Variants in MMP15 observed in about 807,000 individuals in gnomAD.
MMP15 encodes the protein matrix metallopeptidase 15.
A neutral mutation model predicts 65.0 loss-of-function variants in MMP15; 36 were observed. The ratio of observed to expected loss-of-function variants is 0.55; its 90% CI spans 0.42 to 0.73. MMP15 has a LOEUF of 0.73. MMP15 is among the 30% of genes least tolerant of loss of function. The probability of loss-of-function intolerance (pLI) is 0.00; values close to 1 mark genes in which losing one functional copy is unlikely to be tolerated. For synonymous variants in MMP15, 428 were observed against 410.2 expected (o/e 1.04, Z -0.52); for missense variants, 870 against 987.8 (o/e 0.88, Z 1.60).
chr16:58,027,176 T>C (rs939445501), intron 1 of MMP15, among the ~76,000 whole-genome samples: 1 of 152,168 alleles, frequency 6.6e-6, no homozygotes, highest in Non-Finnish European at 1.5e-5. Context: ...CCCACAGCGC[T>C]TCCTCCCAAC....
chr16:58,043,453 G>GA (rs1308215961), intron 8 of MMP15, 59 bp from the exon 9 acceptor site: 11 of 1,601,130 alleles, frequency 6.9e-6, no homozygotes, highest in Non-Finnish European at 9.4e-6. Context: ...TGCCTGTGGG[G>GA]AACGGGTCCT....
intron 1 of MMP15, among the ~76,000 whole-genome samples, chr16:58,034,481 C>G (rs535272348): frequency 6.6e-6 from 1 of 152,102 alleles, no homozygotes; most frequent in African/African-American, 2.4e-5. Context: ...AGCTCACAGT[C>G]CTATGGGTGG....
chr16:58,044,354 G>A (rs944772015), intron 9 of MMP15, among the ~76,000 whole-genome samples: 17 of 152,166 alleles, frequency 1.1e-4, no homozygotes, highest in South Asian at 2.1e-4. Context: ...GGCTGCGGTC[G>A]GAGGATTACT....
Position 58,045,450 on chromosome 16 carries a change from C to G in MMP15, c.*4C>G, listed in dbSNP as rs1959546156. ...CTCGCTGCAGGAGTGGGTCTGACCA[C>G]CCAGCGCTCCTGCTAACGGTGCTCA... On this transcript the variant is annotated 3_prime_UTR_variant, in exon 10 of 10. Coordinates refer to ENST00000219271, the MANE Select transcript of MMP15 (RefSeq NM_002428.4). 6.6e-7 allele frequency: 1 copy of G among 1,512,270 alleles called. No individual in the cohort carries two copies. The highest frequency in any genetic ancestry group is 8.9e-7 in the Non-Finnish European group (1 of 1,128,864). The allele number at this position is 1,512,270 out of a possible 1,614,324, so 93.7% of individuals were successfully genotyped here.
At position 58,044,193 on chromosome 16, in the gene MMP15, C is replaced by T. The variant is rs1388457339; in HGVS notation, c.1570+566C>T. On this transcript the variant is annotated intron_variant, in intron 9 of 9. Coordinates refer to ENST00000219271, the MANE Select transcript of MMP15 (RefSeq NM_002428.4). The stretch of plus-strand genomic sequence containing the variant: ...AGGTGTAGTGGCTCACGCCTGTAAT[C>T]CCAGCTCTTGGAGAGGCCGATGCGA... Among the ~76,000 whole-genome samples, 3 of 152,158 alleles carry T rather than the reference C, an allele frequency of 2.0e-5. No homozygotes were observed. The East Asian group carries it at 5.8e-4, about 29-fold the overall frequency.
At chr16:58,039,840 C>T (rs1257772772) in intron 3 of MMP15, 35 bp from the exon 4 acceptor site, 1 of 1,562,376 alleles carries the variant, frequency 6.4e-7, no homozygotes, top group South Asian at 1.2e-5. Context: ...GCCCTTGGCC[C>T]TGCATCCGCT....
chr16:58,045,644 G>T lies in MMP15; in HGVS notation c.*198G>T. Reference sequence around the variant, plus strand: ...CTTGACCATTTGTTTCTGTTTCCCCGACTGGGGCAGGGTGTTTAGAATTTT... The same window carrying T: ...CTTGACCATTTGTTTCTGTTTCCCCTACTGGGGCAGGGTGTTTAGAATTTT... On this transcript the variant is annotated 3_prime_UTR_variant, in exon 10 of 10. Coordinates refer to ENST00000219271, the MANE Select transcript of MMP15 (RefSeq NM_002428.4). 1.7e-6 allele frequency: 1 copy of T among 573,960 alleles called. No homozygotes were observed. The highest frequency in any genetic ancestry group is 1.9e-5 in the African/African-American group (1 of 52,262). The allele number at this position is 573,960 out of a possible 1,614,324, so 35.6% of individuals were successfully genotyped here.
chr16:58,042,246 C>T lies in MMP15; in HGVS notation c.1180C>T (p.Arg394Ter). 1.2e-6 allele frequency: 2 copies of T among 1,613,866 alleles called. No individual in the cohort carries two copies. The highest frequency in any genetic ancestry group is 1.7e-6 in the Non-Finnish European group (2 of 1,179,888). Residue 394 changes from arginine (R) to a stop codon, truncating the protein, a stop_gained, in exon 7 of 10, where the codon CGA becomes TGA. Coordinates refer to ENST00000219271, the MANE Select transcript of MMP15 (RefSeq NM_002428.4). LOFTEE classifies it high-confidence loss of function. ...CCCTCCCCAGGGCCGCTGGTTCTGG[C>T]GAGTCCGGCACAACCGCGTCCTGGA... ...MFVFKGRWFW[R>*]VRHNRVLDNY...
At chr16:58,037,013 TAA>T (rs1959341458) in intron 1 of MMP15, among the ~76,000 whole-genome samples, 1 of 152,026 alleles carries the variant, frequency 6.6e-6, no homozygotes, top group African/African-American at 2.4e-5. Flanking sequence ...ACCTCTTAGA[TAA>T]GGTGGTATTG....
chr16:58,045,296 G>T lies in MMP15; in HGVS notation c.1860G>T (p.Val620=). ...GCGTGGTGGTGCAGATGGAGGAGGTGGCACGGACGGTGAACGTGGTGATGG... is the reference window on the plus strand; with the variant it reads ...GCGTGGTGGTGCAGATGGAGGAGGTTGCACGGACGGTGAACGTGGTGATGG... ...GSRVVVQMEE[V]ARTVNVVMVL... is the part of the protein sequence containing the mutation. Residue 620 remains valine (V), a synonymous_variant, in exon 10 of 10, where the codon GTG becomes GTT. Transcript: ENST00000219271. 3.1e-6 allele frequency: 5 copies of T among 1,610,660 alleles called. No individual in the cohort carries two copies. The highest frequency in any genetic ancestry group is 4.2e-6 in the Non-Finnish European group (5 of 1,179,408).
chr16:58,033,746 T>C (rs1959278705), intron 1 of MMP15, among the ~76,000 whole-genome samples: 2 of 152,054 alleles, frequency 1.3e-5, no homozygotes, highest in African/African-American at 4.8e-5. Context: ...CTACCAAAAA[T>C]AGAAAAATTA....
intron 1 of MMP15, among the ~76,000 whole-genome samples, chr16:58,026,756 C>T (rs1183986840): frequency 6.6e-6 from 1 of 152,218 alleles, no homozygotes. Context: ...CAGCCCTGTT[C>T]TGGGCACTGA....
Position 58,039,948 on chromosome 16 carries a change from G to A in MMP15, c.514G>A (p.Glu172Lys). The change falls in exon 4 of 10, where the codon GAG becomes AAG. Residue 172 changes from glutamate to lysine, a missense_variant. Transcript: ENST00000219271. ...GGTGCGCAGGGCCTTCCGCGTGTGG[G>A]AGCAGGCCACGCCCCTGGTCTTCCA... The part of the protein sequence containing the change: ...EAVRRAFRVW[E>K]QATPLVFQEV... 2 of 1,613,576 alleles carry A rather than the reference G, an allele frequency of 1.2e-6. No individual in the cohort carries two copies. The highest frequency in any genetic ancestry group is 1.7e-6 in the Non-Finnish European group (2 of 1,179,902).
At chr16:58,037,450 C>CA (rs765622602) in intron 1 of MMP15, 22 bp from the exon 2 acceptor site, 2 of 1,611,266 alleles carry the variant, frequency 1.2e-6, no homozygotes, top group African/African-American at 1.3e-5. Flanking sequence ...GACCTGCTGA[C>CA]AGAGTTGCGG....
chr16:58,045,136 C>T lies in MMP15; in HGVS notation c.1700C>T (p.Pro567Leu). 1.2e-6 allele frequency: 2 copies of T among 1,602,778 alleles called. No individual in the cohort carries two copies. Among genetic ancestry groups the T allele is most frequent in the African/African-American group, 1.3e-5 (1 of 74,862 alleles). The change falls in exon 10 of 10, where the codon CCC (proline) becomes CTC (leucine). Residue 567 changes from proline to leucine, a missense_variant. Coordinates refer to ENST00000219271, the MANE Select transcript of MMP15 (RefSeq NM_002428.4). Reference protein sequence around the residue: ...MGCQEHVEPGPRWPDVARPPF... With the variant: ...MGCQEHVEPGLRWPDVARPPF... ...TGCCAGGAGCACGTGGAGCCAGGCC[C>T]CCGATGGCCCGACGTGGCCCGGCCG...
At chr16:58,030,759 C>G (rs1963881710) in intron 1 of MMP15, among the ~76,000 whole-genome samples, 1 of 152,184 alleles carries the variant, frequency 6.6e-6, no homozygotes, top group African/African-American at 2.4e-5. Flanking sequence ...GGCCTACACC[C>G]TGTGTCCAGA....
At chr16:58,039,780 G>C in intron 3 of MMP15, 95 bp from the exon 4 acceptor site, 1 of 1,274,746 alleles carries the variant, frequency 7.8e-7, no homozygotes. Context: ...TGACGGGCTT[G>C]TTGGTGACCT....
rs1567431724 is a variant in MMP15, at chr16:58,042,324, A to T, written c.1258A>T (p.Ser420Cys). 8 of 1,614,232 alleles carry T rather than the reference A, an allele frequency of 5.0e-6. No homozygotes were observed. Among genetic ancestry groups the T allele is most frequent in the Non-Finnish European group, 5.9e-6 (7 of 1,180,034 alleles). The change falls in exon 7 of 10, where the codon AGT (serine) becomes TGT (cysteine). Residue 420 changes from serine to cysteine, a missense_variant. By Grantham distance (112) the Ser-to-Cys change is moderately radical. Coordinates refer to ENST00000219271, the MANE Select transcript of MMP15 (RefSeq NM_002428.4). ...HFWRGLPGDI[S>C]AAYERQDGRF... The stretch of plus-strand genomic sequence containing the variant: ...CTGGCGTGGTCTGCCCGGTGACATC[A>T]GTGCTGCCTACGAGCGCCAAGACGG...
chr16:58,042,465 C>T lies in MMP15; in HGVS notation c.1303+96C>T, dbSNP rs946300930. 4.6e-6 allele frequency: 7 copies of T among 1,506,184 alleles called. No individual in the cohort carries two copies. In the African/African-American group the frequency reaches 8.2e-5, roughly 18 times the overall value. 93.3% of individuals were successfully genotyped at this position (1,506,184 alleles called of 1,614,324 possible). ...GAAGAGGAGGTGAAGGGTTGCATTG[C>T]ATGTCTGGTCCTGTGCCCCCACTGT... On this transcript the variant is annotated intron_variant, in intron 7 of 9. Coordinates refer to ENST00000219271, the MANE Select transcript of MMP15 (RefSeq NM_002428.4).
Sources: allele counts gnomAD v4.1 joint callset (sites outside exome capture counted in the v4.1 genomes callset), GRCh38; gene constraint gnomAD v4.1.1; transcripts MANE v1.5; gene names NCBI Gene and HGNC (gene_info 2026-07-23, HGNC 2026-07-21).